Variants in ANGPTL4 observed in about 807,000 individuals in gnomAD.
The protein encoded by ANGPTL4 is angiopoietin-related protein 4.
Under a neutral mutation model 39.2 loss-of-function variants are expected in ANGPTL4, and 39 were observed. The ratio of observed to expected loss-of-function variants is 1.00; its 90% CI spans 0.77 to 1.30. ANGPTL4 has a LOEUF of 1.30. ANGPTL4 is among the 50% of genes most tolerant of loss of function. The probability of loss-of-function intolerance (pLI) is 0.00; values close to 1 mark genes in which losing one functional copy is unlikely to be tolerated. For missense variants in ANGPTL4, 545 were observed against 549.8 expected (o/e 0.99, Z 0.09); for synonymous variants, 233 against 229.5 (o/e 1.02, Z -0.14).
chr19:8,369,913 T>TA lies in ANGPTL4; in HGVS notation c.661+590dup, dbSNP rs199657129. Reference sequence around the variant, plus strand: ...ATCTTTACAAAAAATTTTGTAAAAGTAAAAAAAAAGGCCAAGTGCAGTGGC... The same window carrying TA: ...ATCTTTACAAAAAATTTTGTAAAAGTAAAAAAAAAAGGCCAAGTGCAGTGGC... On this transcript the variant is annotated intron_variant, in intron 4 of 6. Transcript: ENST00000301455. 5.2e-3 allele frequency among the ~76,000 whole-genome samples: 776 copies of TA among 149,582 alleles called. 8 individuals carry two copies. Among genetic ancestry groups the TA allele is most frequent in the African/African-American group, 0.017 (701 of 40,698 alleles).
intron 4 of ANGPTL4, 105 bp downstream of exon 4, chr19:8,369,437 T>A: frequency 1.4e-5 from 11 of 774,522 alleles, no homozygotes; most frequent in South Asian, 3.1e-5. Flanking sequence ...AGGGTCTTGC[T>A]ATGTTGCCCA....
intron 1 of ANGPTL4, among the ~76,000 whole-genome samples, chr19:8,365,134 A>G (rs1051347183): frequency 2.0e-5 from 3 of 150,944 alleles, no homozygotes; most frequent in African/African-American, 7.3e-5. Context: ...GCAGCACTGC[A>G]CTCCAGCCTG....
intron 4 of ANGPTL4, 64 bp downstream of exon 4, chr19:8,369,396 G>GAAAAC (rs954727508): frequency 2.3e-5 from 29 of 1,259,278 alleles, no homozygotes; most frequent in Admixed American, 6.1e-5. Context: ...TCTTTAAATT[G>GAAAAC]AAAACAAAAC....
Position 8,371,055 on chromosome 19 carries a change from G to A in ANGPTL4, c.662-1G>A. ...TGGTGACCTTGTACCTTTCTGGGCA[G>A]ATGGAGGCTGGACAGTAATTCAGAG... On this transcript the variant is annotated splice_acceptor_variant, in intron 4 of 6. Transcript: ENST00000301455. LOFTEE classifies it high-confidence loss of function. This position sits in a 1 kb window ranked among gnomAD's most constrained non-coding sequence, Gnocchi z 5.1. 1.3e-5 allele frequency: 21 copies of A among 1,588,904 alleles called. No individual in the cohort carries two copies. The highest frequency in any genetic ancestry group is 1.8e-5 in the Non-Finnish European group (21 of 1,167,366).
rs936267395 is a variant in ANGPTL4 at position 8,373,360 on chromosome 19, T to C, written c.1040-345T>C. 6.0e-5 allele frequency among the ~76,000 whole-genome samples: 9 copies of C among 149,124 alleles called. 1 individual carries two copies. The highest frequency in any genetic ancestry group is 7.4e-5 in the African/African-American group (3 of 40,410). ...GCAGAGGTGCAGTGAGCCGAGATTG[T>C]GCCACTGCACTCCAGCCTGGGAGAT... is the stretch of plus-strand genomic sequence containing the variant. On this transcript the variant is annotated intron_variant, in intron 6 of 6. Transcript: ENST00000301455.
At position 8,364,494 on chromosome 19, in the gene ANGPTL4, A is replaced by G. The variant is rs1970956518; in HGVS notation, c.173A>G (p.His58Arg). 2.6e-6 allele frequency: 4 copies of G among 1,564,660 alleles called. No homozygotes were observed. The highest frequency in any genetic ancestry group is 2.6e-6 in the Non-Finnish European group (3 of 1,155,908). ...CAGCTCGGCCAGGGGCTGCGCGAACACGCGGAGCGCACCCGCAGTCAGCTG... is the reference window on the plus strand; with the variant it reads ...CAGCTCGGCCAGGGGCTGCGCGAACGCGCGGAGCGCACCCGCAGTCAGCTG... ...LLQLGQGLREHAERTRSQLSA... is the reference protein window; with the variant it reads ...LLQLGQGLRERAERTRSQLSA... Residue 58 changes from histidine (H) to arginine (R), a missense_variant, in exon 1 of 7, where the codon CAC (histidine) becomes CGC (arginine). Transcript: ENST00000301455.
chr19:8,366,181 C>T (rs1971000460), intron 2 of ANGPTL4, 21 bp from the exon 3 acceptor site: 1 of 1,612,584 alleles, frequency 6.2e-7, no homozygotes, highest in Admixed American at 1.7e-5. Context: ...GACCTGACAC[C>T]CTCCTCCCGT....
chr19:8,369,952 C>A (rs928380601), intron 4 of ANGPTL4, among the ~76,000 whole-genome samples: 1 of 152,046 alleles, frequency 6.6e-6, no homozygotes, highest in Non-Finnish European at 1.5e-5. Flanking sequence ...CACCTGTAAT[C>A]CCAGCACTTT....
At chr19:8,364,877 A>ACT (rs1340964666) in intron 1 of ANGPTL4, among the ~76,000 whole-genome samples, 1 of 151,684 alleles carries the variant, frequency 6.6e-6, no homozygotes, top group Non-Finnish European at 1.5e-5. Context: ...ACACACACAC[A>ACT]CACACACAAA....
rs762467580 is a variant in ANGPTL4, at chr19:8,371,388, T to A, written c.905T>A (p.Leu302Gln). 1.9e-6 allele frequency: 3 copies of A among 1,613,438 alleles called. No homozygotes were observed. The change falls in exon 6 of 7, where the codon CTG (leucine) becomes CAG (glutamine). Residue 302 changes from leucine to glutamine, a missense_variant. Transcript: ENST00000301455. This position sits in a 1 kb window ranked among gnomAD's most constrained non-coding sequence, Gnocchi z 5.1. ...HLGGEDTAYS[L>Q]QLTAPVAGQL... Reference sequence around the variant, plus strand: ...GGTGGCGAGGACACGGCCTATAGCCTGCAGCTCACTGCACCCGTGGCCGGC... The same window carrying A: ...GGTGGCGAGGACACGGCCTATAGCCAGCAGCTCACTGCACCCGTGGCCGGC...
At chr19:8,369,179 C>A in intron 3 of ANGPTL4, 40 bp from the exon 4 acceptor site, 1 of 1,549,216 alleles carries the variant, frequency 6.5e-7, no homozygotes, top group Non-Finnish European at 8.8e-7. Flanking sequence ...CCCCCAGGGG[C>A]TGCCCTCCTG....
intron 3 of ANGPTL4, among the ~76,000 whole-genome samples, chr19:8,367,718 C>T (rs775927845): frequency 5.3e-5 from 8 of 152,224 alleles, no homozygotes; most frequent in Non-Finnish European, 7.3e-5. Context: ...GCCTCCTCTC[C>T]CTCTAGGAGC....
Position 8,366,197 on chromosome 19 carries a change from C to T in ANGPTL4, c.430-5C>T. On this transcript the variant is annotated splice_polypyrimidine_tract_variant and splice_region_variant and intron_variant, in intron 2 of 6. Transcript: ENST00000301455. ...ACCTGACACCCTCCTCCCGTCCCAT[C>T]CTAGTTTGGCCTCCTGGACCACAAG... 3.1e-6 allele frequency: 5 copies of T among 1,607,476 alleles called. No individual in the cohort carries two copies. Among genetic ancestry groups the T allele is most frequent in the Non-Finnish European group, 4.2e-6 (5 of 1,179,976 alleles).
Position 8,371,539 on chromosome 19 carries a change from A to T in ANGPTL4, c.1039+17A>T. 1.2e-6 allele frequency: 2 copies of T among 1,612,796 alleles called. No homozygotes were observed. The highest frequency in any genetic ancestry group is 1.7e-6 in the Non-Finnish European group (2 of 1,179,988). ...GCCTCTCTGGTGAGCAGGCCCTGCC[A>T]TGCCACACCCAGCCAGCAGCTTCCC... On this transcript the variant is annotated intron_variant, in intron 6 of 6. Coordinates refer to ENST00000301455, the MANE Select transcript of ANGPTL4 (RefSeq NM_139314.3). This position sits in a 1 kb window ranked among gnomAD's most constrained non-coding sequence, Gnocchi z 5.1.
At position 8,371,348 on chromosome 19, in the gene ANGPTL4, T is replaced by C. The variant is rs1231545424; in HGVS notation, c.865T>C (p.Phe289Leu). 1 of 1,613,588 alleles carries C rather than the reference T, an allele frequency of 6.2e-7. No homozygotes were observed. Among genetic ancestry groups the C allele is most frequent in the East Asian group, 2.2e-5 (1 of 44,886 alleles). The change falls in exon 6 of 7, where the codon TTC (phenylalanine) becomes CTC (leucine). Residue 289 changes from phenylalanine (F) to leucine (L), a missense_variant. Phe to Leu is a conservative substitution (Grantham distance 22, BLOSUM62 0). Transcript: ENST00000301455. This position sits in a 1 kb window ranked among gnomAD's most constrained non-coding sequence, Gnocchi z 5.1. ...GGATGGCAACGCCGAGTTGCTGCAG[T>C]TCTCCGTGCACCTGGGTGGCGAGGA... ...DWDGNAELLQ[F>L]SVHLGGEDTA...
chr19:8,369,171 C>G (rs76800055), intron 3 of ANGPTL4, 48 bp from the exon 4 acceptor site: 30 of 1,524,562 alleles, frequency 2.0e-5, no homozygotes, highest in South Asian at 3.5e-5. Context: ...TGAGACCCCC[C>G]CCAGGGGCTG....
intron 4 of ANGPTL4, 106 bp downstream of exon 4, chr19:8,369,438 A>C: frequency 2.8e-6 from 2 of 724,480 alleles, no homozygotes; most frequent in Non-Finnish European, 4.5e-6. Flanking sequence ...GGGTCTTGCT[A>C]TGTTGCCCAA....
intron 6 of ANGPTL4, among the ~76,000 whole-genome samples, chr19:8,372,417 AG>A (rs1172851176): frequency 1.5e-5 from 2 of 136,116 alleles, no homozygotes; most frequent in African/African-American, 5.5e-5. Flanking sequence ...TTTTTGAAAC[AG>A]GGTCTCACTC....
chr19:8,369,458 T>A, intron 4 of ANGPTL4, 126 bp downstream of exon 4: 7 of 274,724 alleles, frequency 2.5e-5, no homozygotes, highest in East Asian at 6.6e-5. Flanking sequence ...AGCTGGTCTT[T>A]TTTTTTTTTT....
Sources: gnomAD v4.1 joint callset for allele counts (sites outside exome capture counted in the v4.1 genomes callset) on GRCh38, gnomAD v4.1.1 for gene constraint, Gnocchi (gnomAD v3.1) non-coding constraint, MANE v1.5 for transcripts, NCBI Gene and HGNC (gene_info 2026-07-23, HGNC 2026-07-21) for gene names.